Variants in PARD3 observed in about 807,000 individuals in gnomAD.
PARD3 encodes the protein partitioning defective 3 homolog.
In PARD3, 75 loss-of-function variants were observed where a neutral mutation model predicts 155.4. That is an observed-to-expected ratio of 0.48 (90% CI 0.40 to 0.58). PARD3 has a LOEUF of 0.58. PARD3 is among the 20% of genes least tolerant of loss of function. The pLI is 0.00. For synonymous variants in PARD3, 576 were observed against 610.5 expected (o/e 0.94, Z 0.83); for missense variants, 1,642 against 1,721.7 (o/e 0.95, Z 0.82).
intron 2 of PARD3, among the ~76,000 whole-genome samples, chr10:34,592,791 T>C (rs2088841710): frequency 6.6e-6 from 1 of 151,988 alleles, no homozygotes; most frequent in Admixed American, 6.6e-5. Flanking sequence ...TATATAATAA[T>C]AATCATGCAT....
chr10:34,118,795 A>G (rs1946823573), intron 24 of PARD3, among the ~76,000 whole-genome samples: 1 of 152,230 alleles, frequency 6.6e-6, no homozygotes, highest in Admixed American at 6.5e-5. Flanking sequence ...CCCACTTAAA[A>G]TATGTCTTTG....
At chr10:34,316,835 T>C (rs186088203) in intron 20 of PARD3, among the ~76,000 whole-genome samples, 2 of 152,336 alleles carry the variant, frequency 1.3e-5, no homozygotes, top group African/African-American at 2.4e-5. Context: ...GAAAAGATTA[T>C]ACAAGAATTT....
At position 34,564,936 on chromosome 10, in the gene PARD3, T is replaced by C. The variant is rs1280110092; in HGVS notation, c.223-47777A>G. ...CTTTACAATGTAGGTACATCTCTTA[T>C]CTTCATTTTAGAGATGGGTAAACTG... On this transcript the variant is annotated intron_variant, in intron 2 of 24. Transcript: ENST00000374788. 2.6e-5 allele frequency among the ~76,000 whole-genome samples: 4 copies of C among 152,158 alleles called. No homozygotes were observed. In the East Asian group the frequency reaches 7.7e-4, roughly 29 times the overall value.
chr10:34,629,149 C>T (rs1711776191), intron 2 of PARD3, among the ~76,000 whole-genome samples: 1 of 152,212 alleles, frequency 6.6e-6, no homozygotes, highest in Non-Finnish European at 1.5e-5. Context: ...GAAACACAGG[C>T]TCCATCTGCC....
intron 1 of PARD3, among the ~76,000 whole-genome samples, chr10:34,797,145 T>G (rs533171861): frequency 6.6e-6 from 1 of 152,338 alleles, no homozygotes; most frequent in Admixed American, 6.5e-5. Context: ...TCAGTGGGAC[T>G]GTTCCAAGGA....
chr10:34,460,562 G>A (rs189943987), intron 4 of PARD3, among the ~76,000 whole-genome samples: 20 of 152,204 alleles, frequency 1.3e-4, no homozygotes, highest in African/African-American at 4.1e-4. Context: ...GGCCGGGCGC[G>A]GGGGCTCACA....
chr10:34,399,211 C>G, intron 7 of PARD3, 119 bp downstream of exon 7: 1 of 715,636 alleles, frequency 1.4e-6, no homozygotes, highest in Non-Finnish European at 2.5e-6. Flanking sequence ...GCAGTTGCCT[C>G]CAAATGAGAA....
chr10:34,415,296 C>T (rs1845556484), intron 5 of PARD3, among the ~76,000 whole-genome samples: 1 of 152,176 alleles, frequency 6.6e-6, no homozygotes, highest in African/African-American at 2.4e-5. Flanking sequence ...TGGGAAGACA[C>T]ATGCACAGTC....
intron 22 of PARD3, among the ~76,000 whole-genome samples, chr10:34,199,925 A>T (rs1951130960): frequency 6.6e-6 from 1 of 152,094 alleles, no homozygotes; most frequent in Admixed American, 6.6e-5. Flanking sequence ...TCCATGAAAA[A>T]CGGTTTAGTG....
intron 2 of PARD3, among the ~76,000 whole-genome samples, chr10:34,554,096 T>C (rs760412121): frequency 2.0e-5 from 3 of 152,198 alleles, no homozygotes; most frequent in Non-Finnish European, 2.9e-5. Context: ...GTGTAAATAA[T>C]TGAAAAACAT....
chr10:34,117,884 C>T (rs544696679), intron 24 of PARD3, among the ~76,000 whole-genome samples: 162 of 152,204 alleles, frequency 1.1e-3, no homozygotes, highest in Non-Finnish European at 1.6e-3. Context: ...GCACTCCAGC[C>T]GGGGCAACAG....
chr10:34,439,435 G>A (rs1004465840), intron 5 of PARD3, among the ~76,000 whole-genome samples: 4 of 150,172 alleles, frequency 2.7e-5, no homozygotes, highest in African/African-American at 9.7e-5. Context: ...GTGAAGTTAT[G>A]TATTAAAAAT....
At chr10:34,282,495 G>C (rs1956206341) in intron 21 of PARD3, among the ~76,000 whole-genome samples, 1 of 152,146 alleles carries the variant, frequency 6.6e-6, no homozygotes, top group Non-Finnish European at 1.5e-5. Context: ...ATTTGACTAA[G>C]CATCATAAAA....
At chr10:34,476,435 G>A (rs981944687) in intron 3 of PARD3, among the ~76,000 whole-genome samples, 3 of 151,944 alleles carry the variant, frequency 2.0e-5, no homozygotes, top group Non-Finnish European at 2.9e-5. Flanking sequence ...ACACAAAATC[G>A]CGTTTCATAA....
intron 1 of PARD3, among the ~76,000 whole-genome samples, chr10:34,726,894 A>G (rs1215507242): frequency 1.3e-5 from 2 of 152,182 alleles, no homozygotes; most frequent in Non-Finnish European, 2.9e-5. Context: ...CTGACCACAG[A>G]GCCCTCTATT....
chr10:34,795,948 T>A (rs745596910), intron 1 of PARD3, among the ~76,000 whole-genome samples: 21 of 152,250 alleles, frequency 1.4e-4, no homozygotes, highest in Non-Finnish European at 2.6e-4. Context: ...AGTCAACTCT[T>A]ATACTCACAC....
intron 22 of PARD3, among the ~76,000 whole-genome samples, chr10:34,241,774 G>A (rs150072070): frequency 2.2e-4 from 33 of 152,220 alleles, no homozygotes; most frequent in Middle Eastern, 3.4e-3. Flanking sequence ...CAACACCAAC[G>A]CCAGAAGAAA....
chr10:34,133,938 C>T (rs1157363348), intron 22 of PARD3, among the ~76,000 whole-genome samples: 1 of 152,152 alleles, frequency 6.6e-6, no homozygotes. Context: ...TTTTCTCAGT[C>T]AATAAAAGCT....
chr10:34,336,119 A>C (rs1836154954), intron 18 of PARD3, 80 bp downstream of exon 18: 7 of 986,990 alleles, frequency 7.1e-6, no homozygotes, highest in Non-Finnish European at 1.1e-5. Flanking sequence ...TTTACATGGC[A>C]TATGATTGGC....
Sources: allele counts gnomAD v4.1 joint callset (sites outside exome capture counted in the v4.1 genomes callset), GRCh38; gene constraint gnomAD v4.1.1; transcripts MANE v1.5; gene names NCBI Gene and HGNC (gene_info 2026-07-23, HGNC 2026-07-21).